The following VSTM2A variants were observed in gnomAD, a reference collection of about 807,000 sequenced individuals.
The protein encoded by VSTM2A is V-set and transmembrane domain containing 2A.
VSTM2A carries 13 observed loss-of-function variants against 27.3 expected under a neutral mutation model. That is an observed-to-expected ratio of 0.48 (90% CI 0.31 to 0.76). VSTM2A has a LOEUF of 0.76. Among genes scored for constraint, VSTM2A ranks in the 30% least tolerant of loss-of-function variants. The pLI is 0.05. For missense variants in VSTM2A, 280 were observed against 310.0 expected (o/e 0.90, Z 0.73); for synonymous variants, 142 against 125.7 (o/e 1.13, Z -0.87).
intron 4 of VSTM2A, chr7:54,557,320 CTTTT>C (rs10543201): frequency 3.7e-5 from 5 of 135,040 alleles, no homozygotes; most frequent in Admixed American, 7.3e-5. Context: ...TCATTTCTTT[CTTTT>C]TTTTTTTTTT....
At position 54,546,755 on chromosome 7, in the gene VSTM2A, C is replaced by A; in HGVS notation, c.247-192C>A. On this transcript the variant is annotated intron_variant, in intron 2 of 4. Transcript: ENST00000402613. Reference sequence around the variant, plus strand: ...ACGGCGTGGGGTATGCCAGGGACAGCGTGGGGTATGCCAGGGACAGCGTGG... The same window carrying A: ...ACGGCGTGGGGTATGCCAGGGACAGAGTGGGGTATGCCAGGGACAGCGTGG... 5.2e-6 allele frequency: 3 copies of A among 576,532 alleles called. No individual in the cohort carries two copies. In the South Asian group the frequency reaches 6.7e-5, roughly 13 times the overall value. 35.7% of individuals were successfully genotyped at this position (576,532 alleles called of 1,614,324 possible). A position where few individuals can be genotyped will look rare whatever the true frequency, so the allele number is the denominator to read the frequency against.
chr7:54,543,081 G>A (rs536085149), intron 1 of VSTM2A, among the ~76,000 whole-genome samples: 14 of 152,166 alleles, frequency 9.2e-5, no homozygotes, highest in Non-Finnish European at 1.8e-4. Flanking sequence ...GTGTGGGTGT[G>A]TGTGTGCTTT....
chr7:54,555,049 A>G (rs1410956773), intron 4 of VSTM2A, among the ~76,000 whole-genome samples: 1 of 152,212 alleles, frequency 6.6e-6, no homozygotes, highest in African/African-American at 2.4e-5. Context: ...TTTTAATAGC[A>G]TTTATCACAG....
chr7:54,567,792 G>T (rs1788770477), intron 4 of VSTM2A, among the ~76,000 whole-genome samples: 1 of 150,776 alleles, frequency 6.6e-6, no homozygotes, highest in African/African-American at 2.4e-5. Context: ...ATGAATCCCT[G>T]TCAAAGAGTT....
intron 4 of VSTM2A, chr7:54,557,907 T>C (rs1236291124): frequency 6.6e-6 from 1 of 152,196 alleles, no homozygotes; most frequent in Non-Finnish European, 1.5e-5. Flanking sequence ...GAAGACTAGA[T>C]CTCCATTTCT....
At chr7:54,559,654 C>T (rs1433673257) in intron 4 of VSTM2A, 4 of 152,050 alleles carry the variant, frequency 2.6e-5, no homozygotes, top group Admixed American at 6.6e-5. Context: ...AGAAGAAATT[C>T]CAAGGATATC....
At chr7:54,557,579 T>C (rs587529) in intron 4 of VSTM2A, among the ~76,000 whole-genome samples, 148,349 of 152,180 alleles carry the variant, frequency 0.97, 72,553 homozygotes, top group African/African-American at 1. Flanking sequence ...AGTGATCCCC[T>C]CTCTTTGGCC....
At chr7:54,544,844 T>A in intron 2 of VSTM2A, 56 bp downstream of exon 2, 4 of 1,520,840 alleles carry the variant, frequency 2.6e-6, no homozygotes. Context: ...CCTCAGGGTG[T>A]CCGGCCCGGG....
At chr7:54,561,622 T>A (rs1788564513) in intron 4 of VSTM2A, among the ~76,000 whole-genome samples, 1 of 152,192 alleles carries the variant, frequency 6.6e-6, no homozygotes, top group Non-Finnish European at 1.5e-5. Flanking sequence ...GCGTCAAATA[T>A]TTCTAGTTAC....
rs202205004 is a variant in VSTM2A, at chr7:54,550,023, T to C, written c.487T>C (p.Ser163Pro). 2 of 1,611,628 alleles carry C rather than the reference T, an allele frequency of 1.2e-6. No homozygotes were observed. The highest frequency in any genetic ancestry group is 4.5e-5 in the East Asian group (2 of 44,806). Residue 163 changes from serine (S) to proline (P), a missense_variant, in exon 4 of 5, where the codon TCG (serine) becomes CCG (proline). Ser to Pro is a moderately conservative substitution (Grantham distance 74, BLOSUM62 -1). Transcript: ENST00000402613. ...HARRMQAFEA[S>P]PMWLQDMKPR... ...CCGCAGAATGCAGGCCTTCGAAGCC[T>C]CGCCCATGTGGCTGCAGGATATGAA... is the stretch of plus-strand genomic sequence containing the variant.
At chr7:54,549,606 C>G (rs1788115118) in intron 3 of VSTM2A, among the ~76,000 whole-genome samples, 1 of 152,192 alleles carries the variant, frequency 6.6e-6, no homozygotes, top group African/African-American at 2.4e-5. Context: ...GAATCTGGCA[C>G]TGGCTGCATT....
intron 3 of VSTM2A, among the ~76,000 whole-genome samples, chr7:54,548,667 T>A (rs1428118851): frequency 6.6e-6 from 1 of 152,152 alleles, no homozygotes; most frequent in Non-Finnish European, 1.5e-5. Flanking sequence ...CCAGAATAAA[T>A]GTGGAAGTAT....
chr7:54,544,706 C>A lies in VSTM2A; in HGVS notation c.164C>A (p.Ala55Asp), dbSNP rs765741088. Reference protein sequence around the residue: ...EMSCAFQSGSASVYLEIQWWF... With the variant: ...EMSCAFQSGSDSVYLEIQWWF... ...TCCTGCGCCTTCCAGAGCGGCTCCG[C>A]CTCGGTGTATCTGGAGATCCAATGG... Residue 55 changes from alanine to aspartate, a missense_variant, in exon 2 of 5, where the codon GCC (alanine) becomes GAC (aspartate). Coordinates refer to ENST00000402613, the MANE Select transcript of VSTM2A (RefSeq NM_001301009.2). 8 of 1,612,666 alleles carry A rather than the reference C, an allele frequency of 5.0e-6. No homozygotes were observed. Among genetic ancestry groups the A allele is most frequent in the Non-Finnish European group, 3.4e-6 (4 of 1,179,862 alleles).
At chr7:54,567,215 G>C (rs907406489) in intron 4 of VSTM2A, among the ~76,000 whole-genome samples, 4 of 152,148 alleles carry the variant, frequency 2.6e-5, no homozygotes, top group African/African-American at 9.7e-5. Context: ...AAAATGAATT[G>C]TATTTAATTA....
intron 3 of VSTM2A, chr7:54,547,231 G>A: frequency 2.3e-6 from 1 of 442,626 alleles, no homozygotes; most frequent in South Asian, 5.5e-5. Flanking sequence ...ATCCAGAGAG[G>A]TTGTGTGACA....
rs756575969 is a variant in VSTM2A at position 54,542,776 on chromosome 7, G to T, written c.46G>T (p.Val16Phe). The T allele has an allele frequency of 1.2e-6, 2 of 1,613,728 alleles. No homozygotes were observed. Among genetic ancestry groups the T allele is most frequent in the Non-Finnish European group, 1.7e-6 (2 of 1,179,810 alleles). Residue 16 changes from valine (V) to phenylalanine (F), a missense_variant, in exon 1 of 5, where the codon GTT becomes TTT. Transcript: ENST00000402613. The part of the protein sequence containing the change: ...LVYVGFVFFS[V>F]LYVQQGLSSQ... ...GTATGTTGGATTTGTTTTCTTTTCCGTTTTATATGTACAACAAGGGCTTTC... is the reference window on the plus strand; with the variant it reads ...GTATGTTGGATTTGTTTTCTTTTCCTTTTTATATGTACAACAAGGGCTTTC...
At chr7:54,549,333 C>T (rs1412833936) in intron 3 of VSTM2A, among the ~76,000 whole-genome samples, 2 of 152,202 alleles carry the variant, frequency 1.3e-5, no homozygotes, top group Non-Finnish European at 2.9e-5. Flanking sequence ...TCATTAATAG[C>T]ACCTTTAGTA....
At chr7:54,555,639 A>C (rs1335477729) in intron 4 of VSTM2A, among the ~76,000 whole-genome samples, 1 of 152,202 alleles carries the variant, frequency 6.6e-6, no homozygotes, top group Non-Finnish European at 1.5e-5. Flanking sequence ...GCTCAAAGTC[A>C]CACATTCTGG....
intron 4 of VSTM2A, chr7:54,559,264 G>T (rs377425805): frequency 4.9e-4 from 75 of 152,134 alleles, no homozygotes; most frequent in African/African-American, 1.7e-3. Flanking sequence ...AAGTATGGTT[G>T]CAAATAAGTA....
Sources: allele counts gnomAD v4.1 joint callset (sites outside exome capture counted in the v4.1 genomes callset), GRCh38; gene constraint gnomAD v4.1.1; transcripts MANE v1.5; gene names NCBI Gene and HGNC (gene_info 2026-07-23, HGNC 2026-07-21).